KLF4: variants seen among roughly 807,000 people sequenced by gnomAD.
The protein encoded by KLF4 is KLF transcription factor 4.
Under a neutral mutation model 38.0 loss-of-function variants are expected in KLF4, and 14 were observed. The ratio of observed to expected loss-of-function variants is 0.37; its 90% CI spans 0.24 to 0.58. The LOEUF is 0.58. Ranked by LOEUF, KLF4 falls within the 20% of genes least tolerant of loss-of-function variation. KLF4 has a pLI of 0.76. For missense variants in KLF4, 737 were observed against 670.1 expected (o/e 1.10, Z -1.10); for synonymous variants, 398 against 302.5 (o/e 1.32, Z -3.28).
rs1441910896 is a variant in KLF4, at chr9:107,489,263, C to T, written c.-91G>A. 2.6e-5 allele frequency: 37 copies of T among 1,403,072 alleles called. No individual in the cohort carries two copies. The highest frequency in any genetic ancestry group is 3.4e-5 in the Non-Finnish European group (36 of 1,070,686). The allele number at this position is 1,403,072 out of a possible 1,614,324, so 86.9% of individuals were successfully genotyped here. A position where few individuals can be genotyped will look rare whatever the true frequency, so the allele number is the denominator to read the frequency against. On this transcript the variant is annotated 5_prime_UTR_variant, in exon 1 of 5. Coordinates refer to ENST00000374672, the MANE Select transcript of KLF4 (RefSeq NM_004235.6). ...ACGAAGAGAAGAAACGAAGCCAAAACCCAAAACCCCAAATTGGCCGAGATC... is the reference window on the plus strand; with the variant it reads ...ACGAAGAGAAGAAACGAAGCCAAAATCCAAAACCCCAAATTGGCCGAGATC...
rs747664688 is a variant in KLF4 at position 107,487,399 on chromosome 9, G to A, written c.995C>T (p.Pro332Leu). ...EEVLSSRDCH[P>L]ALPLPPGFHP... is the part of the protein sequence containing the mutation. ...GAAGCCGGGAGGAAGCGGCAGGGCA[G>A]GGTGACAGTCCCTGCTGCTCAGCAC... Residue 332 changes from proline (P) to leucine (L), a missense_variant, in exon 3 of 5, where the codon CCT (proline) becomes CTT (leucine). Physicochemically the swap from Pro to Leu is moderately conservative, Grantham distance 98. This residue lies in a region of KLF4 where 695 missense variants were observed against 554.5 expected (regional missense o/e 1.25). Coordinates refer to ENST00000374672, the MANE Select transcript of KLF4 (RefSeq NM_004235.6). The surrounding 1 kb of genome is among the most constrained non-coding windows in gnomAD (Gnocchi z 6.1). The A allele has an allele frequency of 4.6e-6, 7 of 1,527,410 alleles. No homozygotes were observed. The highest frequency in any genetic ancestry group is 4.1e-5 in the African/African-American group (3 of 72,380). 94.6% of individuals were successfully genotyped at this position (1,527,410 alleles called of 1,614,324 possible).
Position 107,487,116 on chromosome 9 carries a change from C to G in KLF4, c.1176G>C (p.Arg392Ser), listed in dbSNP as rs748447033. 1 of 1,614,162 alleles carries G rather than the reference C, an allele frequency of 6.2e-7. No homozygotes were observed. ...CGTAATCACAAGTGTGGGTGGCGGTCCTTTTCCGGGGCCACGATCGTCTTC... is the reference window on the plus strand; with the variant it reads ...CGTAATCACAAGTGTGGGTGGCGGTGCTTTTCCGGGGCCACGATCGTCTTC... ...KRGRRSWPRK[R>S]TATHTCDYAG... The change falls in exon 4 of 5, where the codon AGG (arginine) becomes AGC (serine). Residue 392 changes from arginine to serine, a missense_variant. Transcript: ENST00000374672. The surrounding 1 kb of genome is among the most constrained non-coding windows in gnomAD (Gnocchi z 6.1).
intron 4 of KLF4, among the ~76,000 whole-genome samples, 175 bp downstream of exon 4, chr9:107,486,853 G>A (rs1587920571): frequency 6.6e-6 from 1 of 152,060 alleles, no homozygotes; most frequent in Non-Finnish European, 1.5e-5. Flanking sequence ...CAGTGATCCC[G>A]GAGATCAAGG....
At position 107,487,340 on chromosome 9, in the gene KLF4, G is replaced by A. The variant is rs1400719666; in HGVS notation, c.1054C>T (p.Leu352=). The A allele has an allele frequency of 1.3e-6, 2 of 1,556,166 alleles. No individual in the cohort carries two copies. The highest frequency in any genetic ancestry group is 2.5e-5 in the South Asian group (2 of 80,616). The change falls in exon 3 of 5, where the codon CTG becomes TTG. Residue 352 remains leucine (L), a synonymous_variant. Transcript: ENST00000374672. The surrounding 1 kb of genome is among the most constrained non-coding windows in gnomAD (Gnocchi z 6.1). The part of the protein sequence containing the change: ...PHPGPNYPSF[L]PDQMQPQVPP... The stretch of plus-strand genomic sequence containing the variant: ...ACTTGCGGCTGCATCTGATCGGGCA[G>A]GAAGGATGGGTAATTGGGCCCCGGG...
chr9:107,486,402 C>T (rs1379351292), intron 4 of KLF4, among the ~76,000 whole-genome samples: 1 of 151,992 alleles, frequency 6.6e-6, no homozygotes, highest in Non-Finnish European at 1.5e-5. Flanking sequence ...TGGGTACCTA[C>T]TTACATTGAC....
chr9:107,488,550 C>G lies in KLF4; in HGVS notation c.127-283G>C, dbSNP rs1017227195. On this transcript the variant is annotated intron_variant, in intron 2 of 4. Coordinates refer to ENST00000374672, the MANE Select transcript of KLF4 (RefSeq NM_004235.6). The surrounding 1 kb of genome is among the most constrained non-coding windows in gnomAD (Gnocchi z 5.7). Reference sequence around the variant, plus strand: ...CCCCCTCCAGGTCCCGTGGACGTCCCCGGAATTGGCACACCGAGGCTCTCT... The same window carrying G: ...CCCCCTCCAGGTCCCGTGGACGTCCGCGGAATTGGCACACCGAGGCTCTCT... The G allele has an allele frequency of 1.8e-5, 9 of 501,230 alleles. No individual in the cohort carries two copies. In the Admixed American group the frequency reaches 2.7e-4, roughly 15 times the overall value. The allele number at this position is 501,230 out of a possible 1,614,324, so 31.0% of individuals were successfully genotyped here. A position where few individuals can be genotyped will look rare whatever the true frequency, so the allele number is the denominator to read the frequency against.
At position 107,487,329 on chromosome 9, in the gene KLF4, C is replaced by G. The variant is rs900361471; in HGVS notation, c.1065G>C (p.Gln355His). 6 of 1,565,694 alleles carry G rather than the reference C, an allele frequency of 3.8e-6. No individual in the cohort carries two copies. In the Admixed American group the frequency reaches 1.1e-4, roughly 29 times the overall value. Residue 355 changes from glutamine (Q) to histidine (H), a missense_variant, in exon 3 of 5, where the codon CAG becomes CAC. Transcript: ENST00000374672. The surrounding 1 kb of genome is among the most constrained non-coding windows in gnomAD (Gnocchi z 6.1). ...GGAGCGGCGGGACTTGCGGCTGCAT[C>G]TGATCGGGCAGGAAGGATGGGTAAT... ...GPNYPSFLPD[Q>H]MQPQVPPLHY...
Position 107,489,220 on chromosome 9 carries a change from A to G in KLF4, c.-48T>C. On this transcript the variant is annotated 5_prime_UTR_variant, in exon 1 of 5. Coordinates refer to ENST00000374672, the MANE Select transcript of KLF4 (RefSeq NM_004235.6). The stretch of plus-strand genomic sequence containing the variant: ...CTCGGCAGCCCGAAGCAGCTGGGGC[A>G]CCTGAACCCCAAAGTCAACGAAGAG... The G allele has an allele frequency of 6.9e-7, 1 of 1,451,988 alleles. No homozygotes were observed. The highest frequency in any genetic ancestry group is 9.1e-7 in the Non-Finnish European group (1 of 1,099,946). 89.9% of individuals were successfully genotyped at this position (1,451,988 alleles called of 1,614,324 possible).
chr9:107,487,113 G>A lies in KLF4; in HGVS notation c.1179C>T (p.Thr393=), dbSNP rs769217859. The part of the protein sequence containing the change: ...RGRRSWPRKR[T]ATHTCDYAGC... ...CCGCGTAATCACAAGTGTGGGTGGC[G>A]GTCCTTTTCCGGGGCCACGATCGTC... The change falls in exon 4 of 5, where the codon ACC becomes ACT. Residue 393 remains threonine, a synonymous_variant. Coordinates refer to ENST00000374672, the MANE Select transcript of KLF4 (RefSeq NM_004235.6). The surrounding 1 kb of genome is among the most constrained non-coding windows in gnomAD (Gnocchi z 6.1). 47 of 1,614,054 alleles carry A rather than the reference G, an allele frequency of 2.9e-5. 1 individual carries two copies. The highest frequency in any genetic ancestry group is 1.2e-4 in the South Asian group (11 of 91,082).
In KLF4 at chr9:107,489,766, T is replaced by A. The variant is rs1190474802; in HGVS notation, c.-594A>T. The stretch of plus-strand genomic sequence containing the variant: ...CGTTCGTTCTCTCTGGTCGGGAAAC[T>A]GCCGGCCGCCGGCGCGCGTTCCTTA... On this transcript the variant is annotated 5_prime_UTR_variant, in exon 1 of 5. Coordinates refer to ENST00000374672, the MANE Select transcript of KLF4 (RefSeq NM_004235.6). 2.0e-5 allele frequency: 4 copies of A among 204,038 alleles called. No individual in the cohort carries two copies. The highest frequency in any genetic ancestry group is 4.0e-5 in the Non-Finnish European group (4 of 99,388). 12.6% of individuals were successfully genotyped at this position (204,038 alleles called of 1,614,324 possible).
Position 107,488,487 on chromosome 9 carries a change from G to T in KLF4, c.127-220C>A. On this transcript the variant is annotated intron_variant, in intron 2 of 4. Transcript: ENST00000374672. This position sits in a 1 kb window ranked among gnomAD's most constrained non-coding sequence, Gnocchi z 5.7. The stretch of plus-strand genomic sequence containing the variant: ...GTATTGCGGGTGTTATGTCCTGTCT[G>T]CCCAATTGCGTGTGAGCGAGCGCCG... 1.3e-6 allele frequency: 1 copy of T among 786,060 alleles called. No individual in the cohort carries two copies. Among genetic ancestry groups the T allele is most frequent in the Admixed American group, 3.2e-5 (1 of 30,864 alleles). 48.7% of individuals were successfully genotyped at this position (786,060 alleles called of 1,614,324 possible). A position where few individuals can be genotyped will look rare whatever the true frequency, so the allele number is the denominator to read the frequency against.
rs565891173 is a variant in KLF4, at chr9:107,485,553, C to T, written c.*198G>A. 2.9e-5 allele frequency: 15 copies of T among 509,960 alleles called. No individual in the cohort carries two copies. The South Asian group carries it at 5.2e-4, about 18-fold the overall frequency. 31.6% of individuals were successfully genotyped at this position (509,960 alleles called of 1,614,324 possible). ...AATGATAGAAGATCCAGTCACAGAC[C>T]CCATCTGTTCTTTGATTTTTGTCTT... On this transcript the variant is annotated 3_prime_UTR_variant, in exon 5 of 5. Coordinates refer to ENST00000374672, the MANE Select transcript of KLF4 (RefSeq NM_004235.6). This position sits in a 1 kb window ranked among gnomAD's most constrained non-coding sequence, Gnocchi z 4.9.
chr9:107,489,346 TACAAA>T lies in KLF4; in HGVS notation c.-179_-175del. The T allele has an allele frequency of 1.3e-5, 12 of 890,324 alleles. No homozygotes were observed. The highest frequency in any genetic ancestry group is 1.7e-5 in the Non-Finnish European group (11 of 636,174). The allele number at this position is 890,324 out of a possible 1,614,324, so 55.2% of individuals were successfully genotyped here. A position where few individuals can be genotyped will look rare whatever the true frequency, so the allele number is the denominator to read the frequency against. ...GTCTTTTTTAAAAAGTTCCTTTGTA[TACAAA>T]AGTTCTTAGAAAAGTTGTAAACGCA... is the stretch of plus-strand genomic sequence containing the variant. On this transcript the variant is annotated 5_prime_UTR_variant, in exon 1 of 5. Transcript: ENST00000374672.
chr9:107,488,567 A>AGGGAATT lies in KLF4; in HGVS notation c.127-301_127-300insAATTCCC. The AGGGAATT allele has an allele frequency of 4.0e-6, 2 of 495,484 alleles. No individual in the cohort carries two copies. Among genetic ancestry groups the AGGGAATT allele is most frequent in the Admixed American group, 7.6e-5 (2 of 26,170 alleles). 30.7% of individuals were successfully genotyped at this position (495,484 alleles called of 1,614,324 possible). On this transcript the variant is annotated intron_variant, in intron 2 of 4. Coordinates refer to ENST00000374672, the MANE Select transcript of KLF4 (RefSeq NM_004235.6). This position sits in a 1 kb window ranked among gnomAD's most constrained non-coding sequence, Gnocchi z 5.7. ...GGACGTCCCCGGAATTGGCACACCG[A>AGGGAATT]GGCTCTCTCGGTGCGCTCTCGCCAC... is the stretch of plus-strand genomic sequence containing the variant.
At position 107,488,736 on chromosome 9, in the gene KLF4, C is replaced by T. The variant is rs1224305950; in HGVS notation, c.126+194G>A. 6.6e-6 allele frequency among the ~76,000 whole-genome samples: 1 copy of T among 152,228 alleles called. No individual in the cohort carries two copies. The highest frequency in any genetic ancestry group is 1.5e-5 in the Non-Finnish European group (1 of 68,040). ...GACCCGGCTTGCGCCCCAGGCGGCT[C>T]CGCAGTGCTCGCACCACGGGCATAC... On this transcript the variant is annotated intron_variant, in intron 2 of 4. Coordinates refer to ENST00000374672, the MANE Select transcript of KLF4 (RefSeq NM_004235.6). The surrounding 1 kb of genome is among the most constrained non-coding windows in gnomAD (Gnocchi z 5.7).
At position 107,485,849 on chromosome 9, in the gene KLF4, G is replaced by A. The variant is rs1436209232; in HGVS notation, c.1342C>T (p.Arg448Cys). 1.2e-6 allele frequency: 2 copies of A among 1,612,630 alleles called. No homozygotes were observed. Among genetic ancestry groups the A allele is most frequent in the Admixed American group, 1.7e-5 (1 of 59,618 alleles). The change falls in exon 5 of 5, where the codon CGT becomes TGT. Residue 448 changes from arginine to cysteine, a missense_variant. This residue lies in a region of KLF4 where 42 missense variants were observed against 115.5 expected (regional missense o/e 0.36). Coordinates refer to ENST00000374672, the MANE Select transcript of KLF4 (RefSeq NM_004235.6). This position sits in a 1 kb window ranked among gnomAD's most constrained non-coding sequence, Gnocchi z 4.9. ...ARSDELTRHY[R>C]KHTGHRPFQC... ...AACGGGCGGTGCCCCGTGTGTTTAC[G>A]GTAGTGCCTGGTCAGTTCATCTGAG...
chr9:107,485,799 T>C lies in KLF4; in HGVS notation c.1392A>G (p.Ala464=), dbSNP rs1482715956. Residue 464 remains alanine, a synonymous_variant, in exon 5 of 5, where the codon GCA becomes GCG. Coordinates refer to ENST00000374672, the MANE Select transcript of KLF4 (RefSeq NM_004235.6). This position sits in a 1 kb window ranked among gnomAD's most constrained non-coding sequence, Gnocchi z 4.9. ...AGGCGAGGTGGTCCGACCTGGAAAA[T>C]GCTCGGTCGCATTTTTGGCACTGGA... is the stretch of plus-strand genomic sequence containing the variant. ...RPFQCQKCDR[A]FSRSDHLALH... The C allele has an allele frequency of 3.2e-6, 5 of 1,586,644 alleles. No individual in the cohort carries two copies. The highest frequency in any genetic ancestry group is 1.8e-5 in the Admixed American group (1 of 56,838).
Position 107,485,747 on chromosome 9 carries a change from G to A in KLF4, c.*4C>T, listed in dbSNP as rs1370511051. On this transcript the variant is annotated 3_prime_UTR_variant, in exon 5 of 5. Transcript: ENST00000374672. The surrounding 1 kb of genome is among the most constrained non-coding windows in gnomAD (Gnocchi z 4.9). ...CAGTGTGGGTCATATCCACTGTCTGGGATTTAAAAATGCCTCTTCATGTGT... is the reference window on the plus strand; with the variant it reads ...CAGTGTGGGTCATATCCACTGTCTGAGATTTAAAAATGCCTCTTCATGTGT... 1 of 1,579,806 alleles carries A rather than the reference G, an allele frequency of 6.3e-7. No individual in the cohort carries two copies. Among genetic ancestry groups the A allele is most frequent in the Admixed American group, 2.0e-5 (1 of 51,264 alleles).
rs1188171167 is a variant in KLF4, at chr9:107,487,587, C to T, written c.807G>A (p.Gly269=). Residue 269 remains glycine, a synonymous_variant, in exon 3 of 5, where the codon GGG becomes GGA. Transcript: ENST00000374672. The surrounding 1 kb of genome is among the most constrained non-coding windows in gnomAD (Gnocchi z 6.1). ...TGATCTTGGGGCACGTGCGCGGCGG[C>T]CCGCCGTTGTAGGGCGCCACCACCA... ...HPVVVAPYNG[G]PPRTCPKIKQ... is the part of the protein sequence containing the mutation. The T allele has an allele frequency of 1.9e-6, 3 of 1,588,262 alleles. No individual in the cohort carries two copies. The highest frequency in any genetic ancestry group is 2.6e-6 in the Non-Finnish European group (3 of 1,171,456).
Sources: gnomAD v4.1 joint callset for allele counts (sites outside exome capture counted in the v4.1 genomes callset) on GRCh38, gnomAD v4.1.1 for gene constraint, gnomAD v4.1.1 regional missense constraint, Gnocchi (gnomAD v3.1) non-coding constraint, MANE v1.5 for transcripts, NCBI Gene and HGNC (gene_info 2026-07-23, HGNC 2026-07-21) for gene names.